The following BBS4 variants were observed in gnomAD, a reference collection of about 807,000 sequenced individuals.
BBS4 encodes BBSome complex member BBS4.
BBS4 carries 58 observed loss-of-function variants against 71.4 expected under a neutral mutation model. That is an observed-to-expected ratio of 0.81 (90% CI 0.66 to 1.01). The LOEUF is 1.01. Among genes scored for constraint, BBS4 ranks in the 50% least tolerant of loss-of-function variants. BBS4 has a pLI of 0.00. For missense variants in BBS4, 660 were observed against 607.9 expected (o/e 1.09, Z -0.90); for synonymous variants, 228 against 216.8 (o/e 1.05, Z -0.46).
At chr15:72,708,712 C>T (rs2065310615) in intron 2 of BBS4, among the ~76,000 whole-genome samples, 1 of 152,100 alleles carries the variant, frequency 6.6e-6, no homozygotes, top group South Asian at 2.1e-4. Flanking sequence ...AATTCTTTTC[C>T]TAGCAAGGAA....
At chr15:72,737,180 A>G in intron 15 of BBS4, 1 of 646,808 alleles carries the variant, frequency 1.5e-6, no homozygotes, top group East Asian at 2.7e-5. Context: ...ACTTAGTTGG[A>G]TGGTCTATAC....
chr15:72,686,336 G>C (rs1343809542), intron 1 of BBS4, 85 bp downstream of exon 1: 1 of 1,544,940 alleles, frequency 6.5e-7, no homozygotes, highest in Admixed American at 2.0e-5. Flanking sequence ...GCGGTTCCTG[G>C]AGAGAGGCGG....
intron 2 of BBS4, among the ~76,000 whole-genome samples, chr15:72,707,836 C>G (rs2065291991): frequency 6.6e-6 from 1 of 152,162 alleles, no homozygotes; most frequent in African/African-American, 2.4e-5. Flanking sequence ...GAGCCATTTT[C>G]AATGACTCAA....
chr15:72,736,879 G>A lies in BBS4; in HGVS notation c.1366G>A (p.Ala456Thr). ...KHQTTSTSKPASFQQPLGSNQ... is the reference protein window; with the variant it reads ...KHQTTSTSKPTSFQQPLGSNQ... ...CCAGACCACTTCAACCAGCAAACCTGCCAGTTTCCAGCAGCCTCTGGGCTC... is the reference window on the plus strand; with the variant it reads ...CCAGACCACTTCAACCAGCAAACCTACCAGTTTCCAGCAGCCTCTGGGCTC... The change falls in exon 15 of 16, where the codon GCC becomes ACC. Residue 456 changes from alanine to threonine, a missense_variant. Transcript: ENST00000268057. The A allele has an allele frequency of 1.2e-6, 2 of 1,614,176 alleles. No individual in the cohort carries two copies. The highest frequency in any genetic ancestry group is 1.7e-6 in the Non-Finnish European group (2 of 1,180,032).
chr15:72,686,333 C>T (rs1430386432), intron 1 of BBS4, 82 bp downstream of exon 1: 1 of 1,546,236 alleles, frequency 6.5e-7, no homozygotes. Flanking sequence ...GCAGCGGTTC[C>T]TGGAGAGAGG....
At position 72,728,004 on chromosome 15, in the gene BBS4, AC is replaced by A. The variant is rs747510870; in HGVS notation, c.642+11del. 13 of 1,601,582 alleles carry A rather than the reference AC, an allele frequency of 8.1e-6. No individual in the cohort carries two copies. Among genetic ancestry groups the A allele is most frequent in the Non-Finnish European group, 1.1e-5 (13 of 1,168,992 alleles). Reference sequence around the variant, plus strand: ...ATTACTCTACTTACAGGTAATGAAAACTCTGTACTCATTCATGCACTGATGT... The same window carrying A: ...ATTACTCTACTTACAGGTAATGAAAATCTGTACTCATTCATGCACTGATGT... On this transcript the variant is annotated intron_variant, in intron 9 of 15. Coordinates refer to ENST00000268057, the MANE Select transcript of BBS4 (RefSeq NM_033028.5).
chr15:72,722,571 G>A (rs943020906), intron 6 of BBS4, among the ~76,000 whole-genome samples: 1 of 152,206 alleles, frequency 6.6e-6, no homozygotes, highest in South Asian at 2.1e-4. Context: ...AAGATCACCT[G>A]TTTATTCTGC....
intron 4 of BBS4, among the ~76,000 whole-genome samples, chr15:72,713,314 G>GACACACATACAC (rs2065408104): frequency 7.0e-6 from 1 of 143,442 alleles, no homozygotes; most frequent in Non-Finnish European, 1.5e-5. Context: ...AGGTCTTTGT[G>GACACACATACAC]ACACACACAC....
At chr15:72,733,308 T>A (rs142447864) in intron 12 of BBS4, among the ~76,000 whole-genome samples, 3 of 151,180 alleles carry the variant, frequency 2.0e-5, no homozygotes, top group African/African-American at 7.3e-5. Context: ...TTTTTAAAAA[T>A]TTTATTTTAG....
intron 2 of BBS4, chr15:72,704,399 T>C (rs1355216919): frequency 7.9e-7 from 1 of 1,267,296 alleles, no homozygotes; most frequent in African/African-American, 1.5e-5. Context: ...TGAAAGCATA[T>C]AAGAACCAGT....
At chr15:72,690,329 TA>T (rs899859725) in intron 1 of BBS4, among the ~76,000 whole-genome samples, 134 of 152,260 alleles carry the variant, frequency 8.8e-4, no homozygotes, top group African/African-American at 3.1e-3. Context: ...AATAACAGAA[TA>T]AAATAATTTG....
chr15:72,737,010 A>G lies in BBS4; in HGVS notation c.1450+47A>G, dbSNP rs141582265. 2,709 of 1,585,028 alleles carry G rather than the reference A, an allele frequency of 1.7e-3. 3 individuals are homozygous for G. The highest frequency in any genetic ancestry group is 3.6e-3 in the Middle Eastern group (21 of 5,794). On this transcript the variant is annotated intron_variant, in intron 15 of 15. Transcript: ENST00000268057. ...TGAAGACCTGGCAGGTACAAGCCAC[A>G]TGTGTCTGTCAGCAGAGATTATAGC...
At chr15:72,696,411 G>A (rs1383871069) in intron 2 of BBS4, among the ~76,000 whole-genome samples, 5 of 151,864 alleles carry the variant, frequency 3.3e-5, no homozygotes, top group South Asian at 4.2e-4. Context: ...TCTGAGTTTC[G>A]ACAAATGAAA....
chr15:72,695,003 A>G (rs145414168), intron 1 of BBS4, among the ~76,000 whole-genome samples, 174 bp from the exon 2 acceptor site: 2 of 152,352 alleles, frequency 1.3e-5, no homozygotes, highest in East Asian at 3.9e-4. Context: ...TAGCAAAAGT[A>G]TGACTTGACA....
At chr15:72,736,701 T>C in intron 14 of BBS4, 61 bp from the exon 15 acceptor site, 1 of 1,547,336 alleles carries the variant, frequency 6.5e-7, no homozygotes, top group Non-Finnish European at 8.9e-7. Context: ...ACCAAAGAAG[T>C]GGGTTGGCTT....
chr15:72,715,410 T>C lies in BBS4; in HGVS notation c.332+8T>C, dbSNP rs1456405256. ...GCAGGTGGCCAGATCTTTGTGAGTA[T>C]TGGCAACCTGGAGGCCCTAGGGCAC... On this transcript the variant is annotated splice_region_variant and intron_variant, in intron 5 of 15. Coordinates refer to ENST00000268057, the MANE Select transcript of BBS4 (RefSeq NM_033028.5). The C allele has an allele frequency of 5.6e-6, 9 of 1,595,892 alleles. No homozygotes were observed. Among genetic ancestry groups the C allele is most frequent in the African/African-American group, 1.3e-5 (1 of 74,528 alleles).
At chr15:72,723,963 T>G (rs550665811) in intron 7 of BBS4, among the ~76,000 whole-genome samples, 11 of 152,198 alleles carry the variant, frequency 7.2e-5, no homozygotes, top group Non-Finnish European at 1.5e-4. Flanking sequence ...AAATGCTTGT[T>G]GAATCTGTGA....
At chr15:72,713,341 ACACACACACGCACACG>A (rs1156800575) in intron 4 of BBS4, among the ~76,000 whole-genome samples, 1 of 118,698 alleles carries the variant, frequency 8.4e-6, no homozygotes, top group Non-Finnish European at 1.8e-5. Context: ...ACACACACAC[ACACACACACGCACACG>A]CACGCACGCA....
chr15:72,693,670 A>G (rs1333667677), intron 1 of BBS4, among the ~76,000 whole-genome samples: 1 of 152,234 alleles, frequency 6.6e-6, no homozygotes, highest in Non-Finnish European at 1.5e-5. Context: ...TTTTAACCAT[A>G]TAAAAATGTA....
Sources: gnomAD v4.1 joint callset for allele counts (sites outside exome capture counted in the v4.1 genomes callset) on GRCh38, gnomAD v4.1.1 for gene constraint, MANE v1.5 for transcripts, NCBI Gene and HGNC (gene_info 2026-07-23, HGNC 2026-07-21) for gene names.